The following G6PC1 variants were observed in gnomAD, a reference collection of about 807,000 sequenced individuals.
The protein encoded by G6PC1 is glucose-6-phosphatase catalytic subunit 1.
Under a neutral mutation model 30.4 loss-of-function variants are expected in G6PC1, and 23 were observed. That is an observed-to-expected ratio of 0.76 (90% CI 0.55 to 1.07). G6PC1 has a LOEUF of 1.07. G6PC1 is among the 50% of genes least tolerant of loss of function. The probability of loss-of-function intolerance (pLI) is 0.00; values close to 1 mark genes in which losing one functional copy is unlikely to be tolerated. For synonymous variants in G6PC1, 163 were observed against 175.6 expected (o/e 0.93, Z 0.57); for missense variants, 391 against 433.9 (o/e 0.90, Z 0.88).
At position 42,909,856 on chromosome 17, in the gene G6PC1, ATGTTTTTTTT is replaced by A. The variant is rs891567263; in HGVS notation, c.562+450_562+459del. Among the ~76,000 whole-genome samples the A allele has an allele frequency of 8.6e-5, 13 of 151,006 alleles. No individual in the cohort carries two copies. In the East Asian group the frequency reaches 1.4e-3, roughly 16 times the overall value. ...CTTTTATAGGTTCAGAGTTTTGAAT[ATGTTTTTTTT>A]TGTTTTTTTTTTTTGAGATGGAGTC... On this transcript the variant is annotated intron_variant, in intron 4 of 4. Coordinates refer to ENST00000253801, the MANE Select transcript of G6PC1 (RefSeq NM_000151.4).
chr17:42,903,904 C>A, intron 1 of G6PC1, 27 bp from the exon 2 acceptor site: 2 of 1,482,692 alleles, frequency 1.3e-6, no homozygotes, highest in South Asian at 1.1e-5. Flanking sequence ...TTCAGTAACC[C>A]CAGAAACTTG....
intron 2 of G6PC1, 68 bp downstream of exon 2, chr17:42,904,108 C>T: frequency 9.7e-7 from 1 of 1,027,120 alleles, no homozygotes; most frequent in South Asian, 1.3e-5. Context: ...ATGAAACTGA[C>T]CTTGAGGGGA....
intron 3 of G6PC1, among the ~76,000 whole-genome samples, chr17:42,908,724 A>G (rs1464477603): frequency 3.6e-5 from 3 of 83,024 alleles, no homozygotes; most frequent in Admixed American, 1.5e-4. Flanking sequence ...TTTTTTTGAG[A>G]CGGAGTTTTG....
chr17:42,910,857 C>T, intron 4 of G6PC1, 58 bp from the exon 5 acceptor site: 1 of 1,567,020 alleles, frequency 6.4e-7, no homozygotes, highest in Non-Finnish European at 8.8e-7. Context: ...CCAAACCCAC[C>T]TCTAGCAAAG....
Position 42,911,442 on chromosome 17 carries a change from C to T in G6PC1, c.*16C>T, listed in dbSNP as rs767908090. 2.4e-5 allele frequency: 38 copies of T among 1,613,910 alleles called. No homozygotes were observed. In the East Asian group the frequency reaches 3.1e-4, roughly 13 times the overall value. Reference sequence around the variant, plus strand: ...GTCGTTGTAAGAGATGTGGAGTCTTCGGTGTTTAAAGTCAACAACCATGCC... The same window carrying T: ...GTCGTTGTAAGAGATGTGGAGTCTTTGGTGTTTAAAGTCAACAACCATGCC... On this transcript the variant is annotated 3_prime_UTR_variant, in exon 5 of 5. Coordinates refer to ENST00000253801, the MANE Select transcript of G6PC1 (RefSeq NM_000151.4).
intron 2 of G6PC1, among the ~76,000 whole-genome samples, chr17:42,905,899 A>G (rs2056059291): frequency 6.6e-6 from 1 of 151,968 alleles, no homozygotes; most frequent in Non-Finnish European, 1.5e-5. Flanking sequence ...ACAAAAACTT[A>G]GCCAGGCATG....
intron 1 of G6PC1, among the ~76,000 whole-genome samples, chr17:42,902,099 G>T (rs1306166851): frequency 6.6e-6 from 1 of 152,196 alleles, no homozygotes; most frequent in African/African-American, 2.4e-5. Context: ...CAGGTAGGCA[G>T]GCTGGCTTCC....
rs1597986894 is a variant in G6PC1 at position 42,901,050 on chromosome 17, C to T, written c.174C>T (p.Gly58=). The T allele has an allele frequency of 6.2e-7, 1 of 1,614,056 alleles. No individual in the cohort carries two copies. The highest frequency in any genetic ancestry group is 1.1e-5 in the South Asian group (1 of 91,086). ...PIWFHLQEAV[G]IKLLWVAVIG... Reference sequence around the variant, plus strand: ...GGTTCCATCTTCAGGAAGCTGTGGGCATTAAACTCCTTTGGGTAGCTGTGA... The same window carrying T: ...GGTTCCATCTTCAGGAAGCTGTGGGTATTAAACTCCTTTGGGTAGCTGTGA... Residue 58 remains glycine, a synonymous_variant, in exon 1 of 5, where the codon GGC becomes GGT. Coordinates refer to ENST00000253801, the MANE Select transcript of G6PC1 (RefSeq NM_000151.4).
intron 3 of G6PC1, 62 bp downstream of exon 3, chr17:42,907,690 A>ACACACC: frequency 8.8e-7 from 1 of 1,135,140 alleles, no homozygotes; most frequent in South Asian, 1.3e-5. Flanking sequence ...TCTGTAGCTG[A>ACACACC]CACACCACGT....
chr17:42,907,417 G>C (rs562114168), intron 2 of G6PC1, 106 bp from the exon 3 acceptor site: 1 of 745,878 alleles, frequency 1.3e-6, no homozygotes, highest in South Asian at 1.5e-5. Context: ...TGGATGAATG[G>C]GTAGATGGGT....
chr17:42,902,838 T>C (rs1190656971), intron 1 of G6PC1, among the ~76,000 whole-genome samples: 3 of 152,088 alleles, frequency 2.0e-5, no homozygotes, highest in African/African-American at 7.2e-5. Context: ...GCTATATACA[T>C]CCTTACAGAG....
Position 42,911,698 on chromosome 17 carries a change from A to G in G6PC1, c.*272A>G, listed in dbSNP as rs2056097914. 2 of 510,182 alleles carry G rather than the reference A, an allele frequency of 3.9e-6. No homozygotes were observed. Among genetic ancestry groups the G allele is most frequent in the South Asian group, 4.1e-5 (2 of 49,104 alleles). 31.6% of individuals were successfully genotyped at this position (510,182 alleles called of 1,614,324 possible). The stretch of plus-strand genomic sequence containing the variant: ...CCCGCCAGGAGGTCCTCCTCTCTCT[A>G]CTTGAATACTCTCACAAGTAGGGAG... On this transcript the variant is annotated 3_prime_UTR_variant, in exon 5 of 5. Coordinates refer to ENST00000253801, the MANE Select transcript of G6PC1 (RefSeq NM_000151.4).
chr17:42,911,560 C>T lies in G6PC1; in HGVS notation c.*134C>T, dbSNP rs1182684573. ...ATTCTGCCGTCGTGGAATTAAATCA[C>T]GGATGGCAGATTGGAGGGTCGCCTG... is the stretch of plus-strand genomic sequence containing the variant. On this transcript the variant is annotated 3_prime_UTR_variant, in exon 5 of 5. Coordinates refer to ENST00000253801, the MANE Select transcript of G6PC1 (RefSeq NM_000151.4). The T allele has an allele frequency of 5.4e-5, 74 of 1,369,314 alleles. No homozygotes were observed. The highest frequency in any genetic ancestry group is 4.6e-4 in the Middle Eastern group (2 of 4,316). The allele number at this position is 1,369,314 out of a possible 1,614,324, so 84.8% of individuals were successfully genotyped here.
At chr17:42,907,380 T>A in intron 2 of G6PC1, 143 bp from the exon 3 acceptor site, 1 of 648,602 alleles carries the variant, frequency 1.5e-6, no homozygotes, top group Non-Finnish European at 2.8e-6. Flanking sequence ...GGATGGGGGG[T>A]GAACGGATGG....
chr17:42,901,154 C>T (rs773173881), intron 1 of G6PC1, 48 bp downstream of exon 1: 46 of 1,498,266 alleles, frequency 3.1e-5, no homozygotes, highest in African/African-American at 2.1e-4. Context: ...GGCTGGCATT[C>T]GCTCTCGCAA....
At chr17:42,910,727 A>G (rs1406439302) in intron 4 of G6PC1, among the ~76,000 whole-genome samples, 188 bp from the exon 5 acceptor site, 1 of 152,150 alleles carries the variant, frequency 6.6e-6, no homozygotes, top group African/African-American at 2.4e-5. Context: ...CCTCCATCTG[A>G]AAGAGTCTAT....
rs2056093708 is a variant in G6PC1 at position 42,911,224 on chromosome 17, G to A, written c.872G>A (p.Trp291Ter). 6.2e-7 allele frequency: 1 copy of A among 1,614,048 alleles called. No individual in the cohort carries two copies. The highest frequency in any genetic ancestry group is 1.3e-5 in the African/African-American group (1 of 74,918). Residue 291 changes from tryptophan (W) to a stop codon, truncating the protein, a stop_gained, in exon 5 of 5, where the codon TGG (tryptophan) becomes TAG (stop). Transcript: ENST00000253801. LOFTEE classifies it high-confidence loss of function. ...RESCKGKLSK[W>*]LPFRLSSIVA... ...AGCTGCAAGGGGAAACTCAGCAAGT[G>A]GCTCCCATTCCGCCTCAGCTCTATT...
At chr17:42,905,539 G>T (rs1432171901) in intron 2 of G6PC1, among the ~76,000 whole-genome samples, 1 of 137,408 alleles carries the variant, frequency 7.3e-6, no homozygotes, top group Non-Finnish European at 1.6e-5. Flanking sequence ...AAGAAGAAAA[G>T]GAAAGGAGAA....
At chr17:42,901,754 CACAGATG>C (rs2056027944) in intron 1 of G6PC1, among the ~76,000 whole-genome samples, 1 of 151,584 alleles carries the variant, frequency 6.6e-6, no homozygotes, top group Non-Finnish European at 1.5e-5. Flanking sequence ...AAAGGAAACA[CACAGATG>C]ATTCAACAGC....
Sources: allele counts gnomAD v4.1 joint callset (sites outside exome capture counted in the v4.1 genomes callset), GRCh38; gene constraint gnomAD v4.1.1; transcripts MANE v1.5; gene names NCBI Gene and HGNC (gene_info 2026-07-23, HGNC 2026-07-21).